The following GALNT13 variants were observed in gnomAD, a reference collection of about 807,000 sequenced individuals.
GALNT13 encodes the protein polypeptide N-acetylgalactosaminyltransferase 13.
Under a neutral mutation model 64.2 loss-of-function variants are expected in GALNT13, and 28 were observed. The observed-to-expected ratio is 0.44, with a 90% CI of 0.32 to 0.60. GALNT13 has a LOEUF of 0.60. GALNT13 is among the 20% of genes least tolerant of loss of function. The probability of loss-of-function intolerance (pLI) is 0.05; values close to 1 mark genes in which losing one functional copy is unlikely to be tolerated. For synonymous variants in GALNT13, 214 were observed against 224.6 expected (o/e 0.95, Z 0.42); for missense variants, 577 against 669.8 (o/e 0.86, Z 1.53).
rs574356968 is a variant in GALNT13, at chr2:154,359,627, C to G, written c.1157-36364C>G. Reference sequence around the variant, plus strand: ...CAATGTAAGACAATCTGCTTGTGATCCATAGGCCACTCGTTCTTCCTCCAA... The same window carrying G: ...CAATGTAAGACAATCTGCTTGTGATGCATAGGCCACTCGTTCTTCCTCCAA... On this transcript the variant is annotated intron_variant, in intron 9 of 12. Coordinates refer to ENST00000392825, the MANE Select transcript of GALNT13 (RefSeq NM_052917.4). 1.1e-4 allele frequency among the ~76,000 whole-genome samples: 16 copies of G among 152,174 alleles called. No homozygotes were observed. The South Asian group carries it at 2.5e-3, about 24-fold the overall frequency.
intron 8 of GALNT13, among the ~76,000 whole-genome samples, chr2:154,267,067 A>G (rs896141044): frequency 6.6e-6 from 1 of 152,188 alleles, no homozygotes; most frequent in African/African-American, 2.4e-5. Context: ...ACTGATTTCT[A>G]ACAAATATGC....
the GALNT13 span, among the ~76,000 whole-genome samples, chr2:153,563,499 A>G: frequency 0.17 from 26,206 of 151,850 alleles, 3,006 homozygotes; most frequent in East Asian, 0.34. Context: ...AGTGATATGG[A>G]TTTTCTTATA....
intron 4 of GALNT13, among the ~76,000 whole-genome samples, chr2:154,147,143 G>A (rs2105603861): frequency 6.6e-6 from 1 of 151,888 alleles, no homozygotes; most frequent in South Asian, 2.1e-4. Flanking sequence ...TTGTAAAACT[G>A]AAACTCTATA....
intron 4 of GALNT13, among the ~76,000 whole-genome samples, chr2:154,148,740 GT>G (rs2105610419): frequency 6.6e-6 from 1 of 152,304 alleles, no homozygotes; most frequent in African/African-American, 2.4e-5. Flanking sequence ...AGAAGTGTCT[GT>G]TCATGTCCTT....
At chr2:154,432,892 T>C (rs1363975514) in intron 11 of GALNT13, among the ~76,000 whole-genome samples, 1 of 152,132 alleles carries the variant, frequency 6.6e-6, no homozygotes, top group Non-Finnish European at 1.5e-5. Flanking sequence ...CAACCCATAA[T>C]GGAAAGTATC....
At chr2:154,247,198 G>A (rs890899677) in intron 7 of GALNT13, among the ~76,000 whole-genome samples, 2 of 152,004 alleles carry the variant, frequency 1.3e-5, no homozygotes, top group Non-Finnish European at 2.9e-5. Context: ...ATAAAGTCAT[G>A]TAAGTTATCC....
At chr2:154,063,764 C>T (rs567920515) in intron 3 of GALNT13, among the ~76,000 whole-genome samples, 1 of 152,212 alleles carries the variant, frequency 6.6e-6, no homozygotes, top group African/African-American at 2.4e-5. Flanking sequence ...GTTTCAAAAG[C>T]AAGAGGTTTT....
intron 3 of GALNT13, among the ~76,000 whole-genome samples, chr2:153,979,540 C>T (rs1694312502): frequency 6.6e-6 from 1 of 152,148 alleles, no homozygotes; most frequent in Admixed American, 6.6e-5. Context: ...TTCTGCAATA[C>T]TCATCAATTT....
intron 3 of GALNT13, among the ~76,000 whole-genome samples, chr2:154,113,332 C>G (rs931385427): frequency 3.9e-5 from 6 of 152,188 alleles, no homozygotes; most frequent in Admixed American, 6.5e-5. Context: ...TGCACAGCAG[C>G]CTAGATCTGT....
At chr2:153,437,539 G>C in the GALNT13 span, among the ~76,000 whole-genome samples, 1 of 152,138 alleles carries the variant, frequency 6.6e-6, no homozygotes, top group Non-Finnish European at 1.5e-5. Flanking sequence ...ATTTAGGATA[G>C]TTAGCTCTTC....
At chr2:153,154,789 G>A in the GALNT13 span, among the ~76,000 whole-genome samples, 1 of 152,096 alleles carries the variant, frequency 6.6e-6, no homozygotes, top group Non-Finnish European at 1.5e-5. Flanking sequence ...TGGTGAGAGA[G>A]GGCATCCTTG....
chr2:154,150,989 C>T (rs937563412), intron 4 of GALNT13, among the ~76,000 whole-genome samples: 1 of 151,716 alleles, frequency 6.6e-6, no homozygotes, highest in Non-Finnish European at 1.5e-5. Flanking sequence ...ATGTGTTTGC[C>T]CTTGCTTTTC....
intron 3 of GALNT13, among the ~76,000 whole-genome samples, chr2:154,067,556 T>C (rs1378505284): frequency 2.6e-5 from 4 of 152,098 alleles, no homozygotes; most frequent in Admixed American, 6.6e-5. Flanking sequence ...TATTATTTAA[T>C]GATAAATGGG....
the GALNT13 span, among the ~76,000 whole-genome samples, chr2:153,263,635 T>A: frequency 1.3e-5 from 2 of 151,970 alleles, no homozygotes; most frequent in Admixed American, 6.5e-5. Flanking sequence ...AACTCAGAAA[T>A]AAGGCCACAC....
At chr2:153,352,621 T>G in the GALNT13 span, among the ~76,000 whole-genome samples, 2 of 152,224 alleles carry the variant, frequency 1.3e-5, 1 homozygote, top group South Asian at 4.1e-4. Context: ...TCCTTTTGAG[T>G]TAATTTTTGT....
the GALNT13 span, among the ~76,000 whole-genome samples, chr2:153,788,796 C>A: frequency 2.0e-5 from 3 of 151,904 alleles, no homozygotes; most frequent in Non-Finnish European, 2.9e-5. Context: ...GCAGAGGTTG[C>A]AATCCTAACT....
chr2:154,390,027 A>C (rs1006782369), intron 9 of GALNT13, among the ~76,000 whole-genome samples: 3 of 152,116 alleles, frequency 2.0e-5, no homozygotes, highest in African/African-American at 7.2e-5. Flanking sequence ...TGGATAAGAC[A>C]AATACAATTT....
At chr2:154,374,339 C>T (rs1180385004) in intron 9 of GALNT13, among the ~76,000 whole-genome samples, 1 of 152,064 alleles carries the variant, frequency 6.6e-6, no homozygotes, top group Middle Eastern at 3.2e-3. Context: ...CTTAATTAAG[C>T]ACTATTGCCT....
the GALNT13 span, among the ~76,000 whole-genome samples, chr2:153,625,190 A>G: frequency 6.6e-6 from 1 of 152,112 alleles, no homozygotes; most frequent in Non-Finnish European, 1.5e-5. Flanking sequence ...CATTTTCCTC[A>G]TAGATTAAGG....
Sources: allele counts gnomAD v4.1 joint callset (sites outside exome capture counted in the v4.1 genomes callset), GRCh38; gene constraint gnomAD v4.1.1; transcripts MANE v1.5; gene names NCBI Gene and HGNC (gene_info 2026-07-23, HGNC 2026-07-21).